PTPRM: variants seen among roughly 807,000 people sequenced by gnomAD.
PTPRM encodes the protein protein tyrosine phosphatase receptor type M, also known as receptor-type tyrosine-protein phosphatase mu.
PTPRM carries 47 observed loss-of-function variants against 186.7 expected under a neutral mutation model. That is an observed-to-expected ratio of 0.25 (90% CI 0.20 to 0.32). PTPRM has a LOEUF of 0.32. Among genes scored for constraint, PTPRM ranks in the 10% least tolerant of loss-of-function variants. The probability of loss-of-function intolerance (pLI) is 1.00; values close to 1 mark genes in which losing one functional copy is unlikely to be tolerated. For missense variants in PTPRM, 1,494 were observed against 1,865.0 expected, an observed-to-expected ratio of 0.80 and a Z score of 3.66; for synonymous variants, 668 against 674.9, an observed-to-expected ratio of 0.99 and a Z score of 0.16.
At chr18:7,654,813 C>T (rs1454290180) in intron 1 of PTPRM, among the ~76,000 whole-genome samples, 3 of 152,152 alleles carry the variant, frequency 2.0e-5, no homozygotes, top group Non-Finnish European at 4.4e-5. Context: ...GTATATGTGT[C>T]TGGTTTTGTA....
intron 2 of PTPRM, among the ~76,000 whole-genome samples, chr18:7,807,003 T>C (rs1482789895): frequency 6.6e-6 from 1 of 152,166 alleles, no homozygotes; most frequent in African/African-American, 2.4e-5. Flanking sequence ...TAGCTACAGG[T>C]AGTATCTCCT....
At chr18:7,618,871 A>C (rs1199412722) in intron 1 of PTPRM, among the ~76,000 whole-genome samples, 1 of 152,240 alleles carries the variant, frequency 6.6e-6, no homozygotes, top group Non-Finnish European at 1.5e-5. Context: ...TGGGTATTGA[A>C]ATGCAGCAAA....
At chr18:7,569,033 G>T (rs949672242) in intron 1 of PTPRM, among the ~76,000 whole-genome samples, 15 of 152,156 alleles carry the variant, frequency 9.9e-5, no homozygotes, top group Non-Finnish European at 2.9e-5. Flanking sequence ...CTTGGTTTTT[G>T]CAAAATAGGT....
intron 1 of PTPRM, among the ~76,000 whole-genome samples, chr18:7,591,067 A>G (rs2037113550): frequency 6.6e-6 from 1 of 152,210 alleles, no homozygotes; most frequent in South Asian, 2.1e-4. Flanking sequence ...CCAAAAAGTG[A>G]AAGAGGAAGA....
At chr18:8,393,830 C>T (rs1243721264) in intron 31 of PTPRM, among the ~76,000 whole-genome samples, 8 of 152,056 alleles carry the variant, frequency 5.3e-5, no homozygotes, top group Non-Finnish European at 1.0e-4. Flanking sequence ...GCTCTGTTGC[C>T]CAGGCTGGAG....
chr18:8,231,805 T>A (rs955955690), intron 14 of PTPRM, among the ~76,000 whole-genome samples: 2 of 152,172 alleles, frequency 1.3e-5, no homozygotes, highest in African/African-American at 4.8e-5. Flanking sequence ...CAGTTTTTGT[T>A]TCACCACATA....
At chr18:7,936,200 A>G (rs918583035) in intron 5 of PTPRM, among the ~76,000 whole-genome samples, 4 of 152,162 alleles carry the variant, frequency 2.6e-5, no homozygotes, top group Non-Finnish European at 5.9e-5. Context: ...CTGCCCAGCC[A>G]TGGCTGCAGA....
intron 4 of PTPRM, among the ~76,000 whole-genome samples, chr18:7,921,601 C>CT (rs2050869782): frequency 6.6e-6 from 1 of 152,102 alleles, no homozygotes; most frequent in African/African-American, 2.4e-5. Context: ...AGGATGGTCT[C>CT]TAACTCCTGG....
intron 13 of PTPRM, among the ~76,000 whole-genome samples, chr18:8,133,207 C>G (rs565240510): frequency 7.2e-5 from 11 of 152,256 alleles, no homozygotes; most frequent in African/African-American, 1.9e-4. Flanking sequence ...AATACTGACT[C>G]TTACAATGGC....
intron 1 of PTPRM, among the ~76,000 whole-genome samples, chr18:7,700,665 A>T (rs781362828): frequency 6.6e-6 from 1 of 152,190 alleles, no homozygotes; most frequent in Non-Finnish European, 1.5e-5. Flanking sequence ...AGGCGCCTGG[A>T]AGATGAAACT....
Position 8,069,788 on chromosome 18 carries a change from G to A in PTPRM, c.1235G>A (p.Ser412Asn), listed in dbSNP as rs1405609442. Residue 412 changes from serine to asparagine, a missense_variant, in exon 8 of 33, where the codon AGT (serine) becomes AAT (asparagine). Physicochemically the swap from Ser to Asn is conservative, Grantham distance 46 (BLOSUM62 1). Coordinates refer to ENST00000580170, the MANE Select transcript of PTPRM (RefSeq NM_001105244.2). ...GGATATAATGTAACTCGTTGCCACA[G>A]TTATAATCTCACTGTCCACTACTGT... ...PFGYNVTRCH[S>N]YNLTVHYCYQ... is the part of the protein sequence containing the mutation. The A allele has an allele frequency of 1.9e-6, 3 of 1,614,044 alleles. No individual in the cohort carries two copies. Among genetic ancestry groups the A allele is most frequent in the Non-Finnish European group, 2.5e-6 (3 of 1,179,894 alleles).
At chr18:8,150,040 T>G (rs949050426) in intron 14 of PTPRM, among the ~76,000 whole-genome samples, 3 of 152,242 alleles carry the variant, frequency 2.0e-5, no homozygotes, top group African/African-American at 7.2e-5. Flanking sequence ...GGGCTTCCCT[T>G]GTGAGTAATC....
chr18:8,206,437 A>T (rs1365647858), intron 14 of PTPRM, among the ~76,000 whole-genome samples: 1 of 151,868 alleles, frequency 6.6e-6, no homozygotes, highest in Non-Finnish European at 1.5e-5. Context: ...TTTAGTAGAG[A>T]CGGGGTTTCA....
chr18:7,740,724 T>A (rs1353837238), intron 1 of PTPRM, among the ~76,000 whole-genome samples: 3 of 152,154 alleles, frequency 2.0e-5, no homozygotes, highest in Non-Finnish European at 4.4e-5. Flanking sequence ...CAGGCCACAG[T>A]GGATTTTTAA....
chr18:8,209,996 A>AT, intron 14 of PTPRM, among the ~76,000 whole-genome samples: 1 of 69,708 alleles, frequency 1.4e-5, no homozygotes, highest in East Asian at 2.6e-4. Flanking sequence ...AATTAAAAAA[A>AT]AAAAAAAAAA....
intron 19 of PTPRM, among the ~76,000 whole-genome samples, chr18:8,294,063 C>T (rs1429448782): frequency 6.6e-6 from 1 of 152,082 alleles, no homozygotes; most frequent in Non-Finnish European, 1.5e-5. Flanking sequence ...CCAGCCTGGC[C>T]AACAGGGTGA....
intron 10 of PTPRM, 124 bp downstream of exon 10, chr18:8,085,996 G>A (rs1228026505): frequency 2.2e-6 from 2 of 899,198 alleles, no homozygotes; most frequent in Non-Finnish European, 1.8e-6. Context: ...ACTCCTGGAT[G>A]CCTGAAGCTC....
intron 3 of PTPRM, among the ~76,000 whole-genome samples, chr18:7,892,644 A>G (rs935864643): frequency 1.3e-5 from 2 of 152,208 alleles, no homozygotes; most frequent in African/African-American, 2.4e-5. Flanking sequence ...GTATTGCTTC[A>G]TTGATATCTT....
chr18:7,904,200 T>G (rs1350767083), intron 3 of PTPRM, among the ~76,000 whole-genome samples: 1 of 152,218 alleles, frequency 6.6e-6, no homozygotes, highest in Non-Finnish European at 1.5e-5. Flanking sequence ...AAGATATTCT[T>G]GAGTACATGT....
Sources: gnomAD v4.1 joint callset for allele counts (sites outside exome capture counted in the v4.1 genomes callset) on GRCh38, gnomAD v4.1.1 for gene constraint, MANE v1.5 for transcripts, NCBI Gene and HGNC (gene_info 2026-07-23, HGNC 2026-07-21) for gene names.